The following FGF14 variants were observed in gnomAD, a reference collection of about 807,000 sequenced individuals.
FGF14 encodes fibroblast growth factor homologous factor 4.
Under a neutral mutation model 25.5 loss-of-function variants are expected in FGF14, and 5 were observed. The observed-to-expected ratio is 0.20, with a 90% CI of 0.10 to 0.41. FGF14 has a LOEUF of 0.41. FGF14 is among the 10% of genes least tolerant of loss of function. The pLI is 1.00. For missense variants in FGF14, 222 were observed against 320.1 expected (o/e 0.69, Z 2.34); for synonymous variants, 138 against 118.3 (o/e 1.17, Z -1.08).
chr13:102,202,259 C>G (rs1329795526), intron 1 of FGF14, among the ~76,000 whole-genome samples: 1 of 152,174 alleles, frequency 6.6e-6, no homozygotes, highest in African/African-American at 2.4e-5. Flanking sequence ...GACTAATATA[C>G]TCCCATAAGC....
chr13:102,013,330 T>C (rs1320352164), intron 1 of FGF14, among the ~76,000 whole-genome samples: 1 of 152,210 alleles, frequency 6.6e-6, no homozygotes, highest in African/African-American at 2.4e-5. Flanking sequence ...GGATCAATCA[T>C]AAGCCTTTCT....
At chr13:101,862,148 G>A (rs1369315060) in intron 3 of FGF14, among the ~76,000 whole-genome samples, 1 of 152,078 alleles carries the variant, frequency 6.6e-6, no homozygotes, top group Non-Finnish European at 1.5e-5. Context: ...GTTAGAATCA[G>A]GAGTCAGGTG....
intron 3 of FGF14, among the ~76,000 whole-genome samples, chr13:101,778,465 C>T (rs1594214339): frequency 6.6e-6 from 1 of 152,184 alleles, no homozygotes; most frequent in South Asian, 2.1e-4. Flanking sequence ...GTCTTCCACA[C>T]CATTCCTGCA....
At chr13:102,112,540 C>T (rs2045283128) in intron 1 of FGF14, among the ~76,000 whole-genome samples, 1 of 152,094 alleles carries the variant, frequency 6.6e-6, no homozygotes, top group African/African-American at 2.4e-5. Flanking sequence ...TTGAATTAAC[C>T]ATTTATTCAT....
intron 1 of FGF14, among the ~76,000 whole-genome samples, chr13:102,075,705 G>A (rs2043332750): frequency 6.6e-6 from 1 of 152,130 alleles, no homozygotes; most frequent in Non-Finnish European, 1.5e-5. Flanking sequence ...GAGTCCTTCA[G>A]GAGGTCTTCC....
At chr13:101,770,412 A>T (rs2038699279) in intron 3 of FGF14, among the ~76,000 whole-genome samples, 1 of 152,154 alleles carries the variant, frequency 6.6e-6, no homozygotes, top group Admixed American at 6.6e-5. Context: ...GGATTCATTA[A>T]AACAAACATT....
chr13:101,797,900 T>G (rs2040644578), intron 3 of FGF14, among the ~76,000 whole-genome samples: 1 of 152,030 alleles, frequency 6.6e-6, no homozygotes, highest in Non-Finnish European at 1.5e-5. Flanking sequence ...TGAAGTTGTT[T>G]CAAAAAGCAG....
chr13:101,991,029 A>G (rs1331514927), intron 1 of FGF14, among the ~76,000 whole-genome samples: 2 of 152,090 alleles, frequency 1.3e-5, no homozygotes, highest in Non-Finnish European at 2.9e-5. Flanking sequence ...TTAACCTTGG[A>G]GCACAATGGA....
intron 1 of FGF14, among the ~76,000 whole-genome samples, chr13:102,052,300 AAG>A (rs1171088629): frequency 5.9e-5 from 9 of 152,114 alleles, no homozygotes; most frequent in Non-Finnish European, 1.2e-4. Context: ...CAGTTAAGAA[AAG>A]AGAGTGATAA....
At chr13:102,246,272 T>C (rs184952374) in intron 1 of FGF14, among the ~76,000 whole-genome samples, 36 of 152,202 alleles carry the variant, frequency 2.4e-4, no homozygotes, top group African/African-American at 6.5e-4. Flanking sequence ...AGTATCAACG[T>C]TGTTACACCC....
intron 1 of FGF14, among the ~76,000 whole-genome samples, chr13:101,924,389 G>A (rs1240404915): frequency 6.6e-6 from 1 of 152,080 alleles, no homozygotes; most frequent in African/African-American, 2.4e-5. Flanking sequence ...GTATGCATTT[G>A]TGCCAAAACA....
intron 3 of FGF14, among the ~76,000 whole-genome samples, chr13:101,843,818 G>A (rs9557746): frequency 0.098 from 14,824 of 151,966 alleles, 895 homozygotes; most frequent in Admixed American, 0.16. Context: ...CATATTGAAA[G>A]ACAGTGAAAT....
chr13:102,382,329 A>G (rs896408286), intron 1 of FGF14, among the ~76,000 whole-genome samples: 1 of 152,156 alleles, frequency 6.6e-6, no homozygotes, highest in Non-Finnish European at 1.5e-5. Flanking sequence ...TAATTTGAGT[A>G]GACATTTCTC....
intron 3 of FGF14, among the ~76,000 whole-genome samples, chr13:101,834,107 A>C (rs2042807897): frequency 6.6e-6 from 1 of 152,076 alleles, no homozygotes; most frequent in African/African-American, 2.4e-5. Context: ...AAAAATGTGA[A>C]ACACTGTAGA....
chr13:102,275,232 ATTTCTCTCTCTCTCTCTCTCTCTCTCTC>A (rs926255808), intron 1 of FGF14, among the ~76,000 whole-genome samples: 9 of 92,424 alleles, frequency 9.7e-5, no homozygotes, highest in Admixed American at 4.2e-4. Flanking sequence ...GATTAGGCAG[ATTTCTCTCTCTCTCTCTCTCTCTCTCTC>A]TTTCTCTCTC....
At chr13:101,909,226 C>T (rs556909591) in intron 1 of FGF14, among the ~76,000 whole-genome samples, 3 of 152,074 alleles carry the variant, frequency 2.0e-5, no homozygotes, top group South Asian at 2.1e-4. Flanking sequence ...GCAACAAAAG[C>T]CAAAATTGAC....
In FGF14 at chr13:102,343,183, G is replaced by A. The variant is rs2057003341; in HGVS notation, c.208+58288C>T. 2.6e-5 allele frequency among the ~76,000 whole-genome samples: 4 copies of A among 152,096 alleles called. No homozygotes were observed. The South Asian group carries it at 8.3e-4, about 32-fold the overall frequency. Reference sequence around the variant, plus strand: ...AAGAGCTTAGAGTCAAAGAGGGAAGGGTAATGACCACGCAGAGATAATAAG... The same window carrying A: ...AAGAGCTTAGAGTCAAAGAGGGAAGAGTAATGACCACGCAGAGATAATAAG... On this transcript the variant is annotated intron_variant, in intron 1 of 4. Transcript: ENST00000376131.
At chr13:101,770,891 T>C (rs947603622) in intron 3 of FGF14, among the ~76,000 whole-genome samples, 3 of 152,008 alleles carry the variant, frequency 2.0e-5, no homozygotes, top group South Asian at 2.1e-4. Context: ...AACTAACTTA[T>C]TGAGGAAATA....
intron 1 of FGF14, among the ~76,000 whole-genome samples, chr13:102,051,727 C>A (rs914048649): frequency 3.3e-5 from 5 of 152,190 alleles, no homozygotes; most frequent in African/African-American, 2.4e-5. Context: ...GCACCACAAC[C>A]AGCAAGCATT....
Sources: gnomAD v4.1 joint callset for allele counts (sites outside exome capture counted in the v4.1 genomes callset) on GRCh38, gnomAD v4.1.1 for gene constraint, MANE v1.5 for transcripts, NCBI Gene and HGNC (gene_info 2026-07-23, HGNC 2026-07-21) for gene names.